SPTBN1: variants seen among roughly 807,000 people sequenced by gnomAD.
SPTBN1 encodes spectrin beta, non-erythrocytic 1.
In SPTBN1, 32 loss-of-function variants were observed where a neutral mutation model predicts 266.4. That is an observed-to-expected ratio of 0.12 (90% CI 0.09 to 0.16). The LOEUF (loss-of-function observed/expected upper bound fraction) is 0.16. Ranked by LOEUF, SPTBN1 falls within the 10% of genes least tolerant of loss-of-function variation. The pLI is 1.00. For missense variants in SPTBN1, 2,296 were observed against 3,067.1 expected, an observed-to-expected ratio of 0.75 and a Z score of 5.94; for synonymous variants, 1,336 against 1,162.2, an observed-to-expected ratio of 1.15 and a Z score of -3.04.
chr2:54,658,888 T>G (rs769985436), intron 30 of SPTBN1, among the ~76,000 whole-genome samples: 18 of 152,202 alleles, frequency 1.2e-4, no homozygotes, highest in Non-Finnish European at 2.4e-4. Flanking sequence ...ATAGTTACTT[T>G]AGAAATTAAA....
intron 2 of SPTBN1, among the ~76,000 whole-genome samples, chr2:54,567,592 G>A (rs550731714): frequency 5.3e-5 from 8 of 152,006 alleles, no homozygotes; most frequent in South Asian, 2.1e-4. Flanking sequence ...ATATATTCAC[G>A]GATTGCAAGT....
At chr2:54,524,027 C>T (rs920544475) in intron 1 of SPTBN1, among the ~76,000 whole-genome samples, 6 of 151,902 alleles carry the variant, frequency 3.9e-5, no homozygotes, top group South Asian at 2.1e-4. Flanking sequence ...AGTGAAACCC[C>T]GTCTCTACCA....
Position 54,645,528 on chromosome 2 carries a change from C to G in SPTBN1, c.4494+75C>G. 1.4e-6 allele frequency: 2 copies of G among 1,475,732 alleles called. No homozygotes were observed. Among genetic ancestry groups the G allele is most frequent in the Non-Finnish European group, 9.2e-7 (1 of 1,083,010 alleles). 91.4% of individuals were successfully genotyped at this position (1,475,732 alleles called of 1,614,324 possible). A position where few individuals can be genotyped will look rare whatever the true frequency, so the allele number is the denominator to read the frequency against. The stretch of plus-strand genomic sequence containing the variant: ...TGTGCTAAAGCCCACATTCTCACTT[C>G]TCAGTCATCCTCACCTTGGGCCACG... On this transcript the variant is annotated intron_variant, in intron 21 of 35. Coordinates refer to ENST00000356805, the MANE Select transcript of SPTBN1 (RefSeq NM_003128.3). This position sits in a 1 kb window ranked among gnomAD's most constrained non-coding sequence, Gnocchi z 4.3.
At chr2:54,668,000 C>G (rs557327673) in intron 35 of SPTBN1, among the ~76,000 whole-genome samples, 1 of 152,230 alleles carries the variant, frequency 6.6e-6, no homozygotes, top group African/African-American at 2.4e-5. Flanking sequence ...TACCTCACCT[C>G]AAGGAAAGAG....
intron 3 of SPTBN1, among the ~76,000 whole-genome samples, chr2:54,600,045 C>G (rs1375509611): frequency 6.6e-6 from 1 of 152,224 alleles, no homozygotes; most frequent in African/African-American, 2.4e-5. Flanking sequence ...GAGACCACAT[C>G]TGTACTGACA....
intron 2 of SPTBN1, among the ~76,000 whole-genome samples, chr2:54,569,954 C>G (rs1320334138): frequency 6.6e-6 from 1 of 150,440 alleles, no homozygotes; most frequent in Non-Finnish European, 1.5e-5. Context: ...CCTGAAAATG[C>G]ACCCAACTGA....
At chr2:54,578,292 A>G in intron 2 of SPTBN1, among the ~76,000 whole-genome samples, 1 of 152,248 alleles carries the variant, frequency 6.6e-6, no homozygotes, top group Admixed American at 6.5e-5. Context: ...GAGTTAGGCC[A>G]GGAAACCACA....
chr2:54,671,043 T>C lies in SPTBN1; in HGVS notation c.*2474T>C. On this transcript the variant is annotated 3_prime_UTR_variant, in exon 36 of 36. Transcript: ENST00000356805. The stretch of plus-strand genomic sequence containing the variant: ...ATAATGCTGTGCTATTTTACCCTGA[T>C]TTTCAGTGATACAATATGGGTGACA... 2.7e-6 allele frequency: 1 copy of C among 375,476 alleles called. No individual in the cohort carries two copies. Among genetic ancestry groups the C allele is most frequent in the Non-Finnish European group, 4.7e-6 (1 of 212,112 alleles). The allele number at this position is 375,476 out of a possible 1,614,324, so 23.3% of individuals were successfully genotyped here. A position where few individuals can be genotyped will look rare whatever the true frequency, so the allele number is the denominator to read the frequency against.
intron 2 of SPTBN1, among the ~76,000 whole-genome samples, chr2:54,545,022 C>T (rs977812546): frequency 1.2e-4 from 18 of 152,126 alleles, no homozygotes; most frequent in Non-Finnish European, 1.8e-4. Flanking sequence ...TAAGAACAAG[C>T]GGTGTTTGGT....
At position 54,563,666 on chromosome 2, in the gene SPTBN1, C is replaced by T. The variant is rs529899564; in HGVS notation, c.149-35426C>T. ...TCGCTCAGGCTGGAGTGCAGTGGCG[C>T]GATCTCGGCTCACTGCAACCTCTGC... is the stretch of plus-strand genomic sequence containing the variant. On this transcript the variant is annotated intron_variant, in intron 2 of 35. Transcript: ENST00000356805. 7.1e-5 allele frequency among the ~76,000 whole-genome samples: 9 copies of T among 126,602 alleles called. No individual in the cohort carries two copies. In the East Asian group the frequency reaches 2.2e-3, roughly 31 times the overall value. The allele number at this position is 126,602 out of a possible 152,430, so 83.1% of individuals were successfully genotyped here.
intron 1 of SPTBN1, among the ~76,000 whole-genome samples, chr2:54,456,971 C>A (rs1038228032): frequency 6.6e-6 from 1 of 150,436 alleles, no homozygotes; most frequent in Non-Finnish European, 1.5e-5. Context: ...TTCAGGTGCC[C>A]TCTCTGTGGC....
chr2:54,563,714 C>T (rs1673483588), intron 2 of SPTBN1, among the ~76,000 whole-genome samples: 1 of 146,278 alleles, frequency 6.8e-6, no homozygotes, highest in South Asian at 2.2e-4. Flanking sequence ...AGCGATTCTC[C>T]TGCCTCAGTC....
intron 2 of SPTBN1, among the ~76,000 whole-genome samples, chr2:54,531,237 G>C (rs1671218148): frequency 2.6e-5 from 4 of 152,212 alleles, no homozygotes. Context: ...ACTTGGAACT[G>C]GCATCTGATA....
At chr2:54,651,169 C>T (rs1227276620) in intron 26 of SPTBN1, among the ~76,000 whole-genome samples, 1 of 152,192 alleles carries the variant, frequency 6.6e-6, no homozygotes, top group Non-Finnish European at 1.5e-5. Flanking sequence ...CAACATAGGT[C>T]TTTCCTCTGC....
Position 54,659,971 on chromosome 2 carries a change from G to C in SPTBN1, c.6392G>C (p.Gly2131Ala), listed in dbSNP as rs573886474. The change falls in exon 32 of 36, where the codon GGT becomes GCT. Residue 2131 changes from glycine to alanine, a missense_variant. By Grantham distance (60) the Gly-to-Ala change is moderately conservative. Around this residue, in one of 12 missense-constraint regions of SPTBN1, gnomAD observed 347 missense variants for 368.5 expected, o/e 0.94. Transcript: ENST00000356805. Reference sequence around the variant, plus strand: ...AAAGGAGAACAAGTTTCCCAAAACGGTTTGCCAGCTGAACAGGGATCTCCA... The same window carrying C: ...AAAGGAGAACAAGTTTCCCAAAACGCTTTGCCAGCTGAACAGGGATCTCCA... ...TSKGEQVSQNGLPAEQGSPRM... is the reference protein window; with the variant it reads ...TSKGEQVSQNALPAEQGSPRM... The C allele has an allele frequency of 1.9e-6, 3 of 1,614,068 alleles. No individual in the cohort carries two copies. In the South Asian group the frequency reaches 3.3e-5, roughly 18 times the overall value.
At chr2:54,465,666 A>ATATATC (rs1408352073) in intron 1 of SPTBN1, among the ~76,000 whole-genome samples, 1 of 137,800 alleles carries the variant, frequency 7.3e-6, no homozygotes, top group Non-Finnish European at 1.6e-5. Flanking sequence ...ATATATATAT[A>ATATATC]TATCTCACAC....
intron 26 of SPTBN1, chr2:54,652,725 T>G (rs1343969368): frequency 6.6e-6 from 1 of 152,232 alleles, no homozygotes; most frequent in Non-Finnish European, 1.5e-5. Context: ...CACTGACAAA[T>G]ATATCATCAC....
intron 29 of SPTBN1, among the ~76,000 whole-genome samples, chr2:54,657,264 C>A (rs983846656): frequency 3.3e-5 from 5 of 152,224 alleles, no homozygotes; most frequent in African/African-American, 1.2e-4. Flanking sequence ...CTAAACCCCC[C>A]AAAATAAAAC....
rs536420167 is a variant in SPTBN1, at chr2:54,461,983, T to C, written c.-48+5465T>C. ...TATTTCAGAAAAGTTTTTCTTTGTT[T>C]GGAAAGAGCATTCGTTTTGGAGTCA... On this transcript the variant is annotated intron_variant, in intron 1 of 35. Transcript: ENST00000356805. Among the ~76,000 whole-genome samples the C allele has an allele frequency of 4.4e-4, 67 of 152,354 alleles. 1 individual carries two copies. Among genetic ancestry groups the C allele is most frequent in the South Asian group, 1.9e-3 (9 of 4,822 alleles).
Sources: allele counts gnomAD v4.1 joint callset (sites outside exome capture counted in the v4.1 genomes callset), GRCh38; gene constraint gnomAD v4.1.1; regional missense constraint gnomAD v4.1.1; non-coding constraint Gnocchi (gnomAD v3.1); transcripts MANE v1.5; gene names NCBI Gene and HGNC (gene_info 2026-07-23, HGNC 2026-07-21).